The following CHD1L variants were observed in gnomAD, a reference collection of about 807,000 sequenced individuals.
The protein encoded by CHD1L is chromodomain helicase DNA binding protein 1 like.
A neutral mutation model predicts 115.9 loss-of-function variants in CHD1L; 118 were observed. That is an observed-to-expected ratio of 1.02 (90% confidence interval 0.88 to 1.19). The LOEUF (loss-of-function observed/expected upper bound fraction) is 1.19, where lower values mean the gene tolerates loss of function less well. Among genes scored for constraint, CHD1L ranks in the 50% most tolerant of loss-of-function variants. The pLI is 0.00. For missense variants in CHD1L, 1,179 were observed against 1,065.3 expected, an observed-to-expected ratio of 1.11 and a Z score of -1.49; for synonymous variants, 411 against 387.1, an observed-to-expected ratio of 1.06 and a Z score of -0.72.
chr1:147,262,207 A>AAG (rs1672208152), intron 6 of CHD1L, among the ~76,000 whole-genome samples: 1 of 151,706 alleles, frequency 6.6e-6, no homozygotes, highest in South Asian at 2.1e-4. Flanking sequence ...AAAAAAAAAA[A>AAG]AAAAATAGTT....
At position 147,265,953 on chromosome 1, in the gene CHD1L, T is replaced by C. The variant is rs587612852; in HGVS notation, c.761T>C (p.Leu254Ser). Residue 254 changes from leucine to serine, a missense_variant, in exon 8 of 23, where the codon TTG (leucine) becomes TCG (serine). Physicochemically the swap from Leu to Ser is moderately radical, Grantham distance 145 (BLOSUM62 -2). Coordinates refer to ENST00000369258, the MANE Select transcript of CHD1L (RefSeq NM_004284.6). ...GTAGCAAGTGAACTGCACAAACTCT[T>C]GCAGCCATTTCTGCTGAGGCGAGTG... is the stretch of plus-strand genomic sequence containing the variant. ...SESASELHKL[L>S]QPFLLRRVKA... 4 of 1,612,752 alleles carry C rather than the reference T, an allele frequency of 2.5e-6. No homozygotes were observed. The East Asian group carries it at 6.7e-5, about 27-fold the overall frequency.
chr1:147,178,053 G>A, the CHD1L span: 763 of 894,194 alleles, frequency 8.5e-4, 11 homozygotes, highest in South Asian at 0.012. Flanking sequence ...TCGCGCGCCC[G>A]ACCGCCGCAG....
chr1:147,288,393 A>G (rs587616558), intron 19 of CHD1L, among the ~76,000 whole-genome samples: 48 of 151,536 alleles, frequency 3.2e-4, no homozygotes, highest in African/African-American at 1.1e-3. Flanking sequence ...TGTCATGAAA[A>G]TATCAAAGAT....
At chr1:147,253,505 A>G (rs1553937830) in intron 2 of CHD1L, among the ~76,000 whole-genome samples, 1 of 152,146 alleles carries the variant, frequency 6.6e-6, no homozygotes, top group Non-Finnish European at 1.5e-5. Context: ...GTTTTGCATG[A>G]TTGAACTTTT....
At chr1:147,178,742 A>G in the CHD1L span, 1 of 1,591,584 alleles carries the variant, frequency 6.3e-7, no homozygotes, top group Non-Finnish European at 8.6e-7. Flanking sequence ...CGTCCTTCAC[A>G]TCTCACTAAC....
At chr1:147,266,612 A>G (rs1674028920) in intron 8 of CHD1L, among the ~76,000 whole-genome samples, 1 of 152,224 alleles carries the variant, frequency 6.6e-6, no homozygotes, top group African/African-American at 2.4e-5. Flanking sequence ...CTCTGTCATC[A>G]GTCCAATAGT....
chr1:147,223,388 C>T, the CHD1L span, among the ~76,000 whole-genome samples: 3 of 152,122 alleles, frequency 2.0e-5, no homozygotes, highest in Non-Finnish European at 4.4e-5. Context: ...GATTGTATTT[C>T]GGTTCAACTA....
chr1:147,249,656 G>A (rs928395663), intron 1 of CHD1L, among the ~76,000 whole-genome samples: 7 of 151,960 alleles, frequency 4.6e-5, no homozygotes, highest in African/African-American at 9.7e-5. Flanking sequence ...CGCCTGCCTC[G>A]GCCTCCCAAA....
chr1:147,242,968 T>C (rs1665239285), intron 1 of CHD1L, 138 bp downstream of exon 1: 1 of 1,080,706 alleles, frequency 9.3e-7, no homozygotes, highest in Non-Finnish European at 1.2e-6. Flanking sequence ...GCTCCTGCCG[T>C]GGGCGGAGAG....
At chr1:147,176,944 A>G in the CHD1L span, among the ~76,000 whole-genome samples, 1 of 152,080 alleles carries the variant, frequency 6.6e-6, no homozygotes, top group Admixed American at 6.6e-5. Context: ...GTAAATATAG[A>G]AATACTTAAA....
At chr1:147,207,748 G>C in the CHD1L span, among the ~76,000 whole-genome samples, 4 of 152,146 alleles carry the variant, frequency 2.6e-5, no homozygotes, top group Non-Finnish European at 5.9e-5. Flanking sequence ...GAGATTTCCA[G>C]TTAATCTGTT....
the CHD1L span, among the ~76,000 whole-genome samples, chr1:147,233,732 T>C: frequency 6.6e-6 from 1 of 152,046 alleles, no homozygotes; most frequent in African/African-American, 2.4e-5. Flanking sequence ...GGGAGACTTT[T>C]CATTTTGTTC....
chr1:147,293,402 C>G (rs150583438), intron 20 of CHD1L, among the ~76,000 whole-genome samples: 5 of 152,148 alleles, frequency 3.3e-5, no homozygotes, highest in African/African-American at 1.2e-4. Context: ...GAAGAAAACC[C>G]TGTATAAAGT....
rs1686519632 is a variant in CHD1L, at chr1:147,293,813, C to T, written c.2506+91C>T. 16 of 1,054,782 alleles carry T rather than the reference C, an allele frequency of 1.5e-5. No homozygotes were observed. The South Asian group carries it at 1.9e-4, about 13-fold the overall frequency. The allele number at this position is 1,054,782 out of a possible 1,614,324, so 65.3% of individuals were successfully genotyped here. On this transcript the variant is annotated intron_variant, in intron 21 of 22. Coordinates refer to ENST00000369258, the MANE Select transcript of CHD1L (RefSeq NM_004284.6). ...AAGGGAGGTAAGAAATGTCAAGATCCCACTTAATATGCACGGTAAAGGCAA... is the reference window on the plus strand; with the variant it reads ...AAGGGAGGTAAGAAATGTCAAGATCTCACTTAATATGCACGGTAAAGGCAA...
Position 147,268,893 on chromosome 1 carries a change from C to G in CHD1L, c.1085+15C>G. On this transcript the variant is annotated intron_variant, in intron 10 of 22. Transcript: ENST00000369258. ...CTGTATTCTGGGTAGGTGGTAGGTT[C>G]ACATTTGCTGCTCTGAGCTAATGAC... 1.9e-6 allele frequency: 3 copies of G among 1,593,700 alleles called. No individual in the cohort carries two copies. Among genetic ancestry groups the G allele is most frequent in the Non-Finnish European group, 2.6e-6 (3 of 1,162,484 alleles).
chr1:147,220,942 T>TC, the CHD1L span, among the ~76,000 whole-genome samples: 13 of 68,318 alleles, frequency 1.9e-4, no homozygotes, highest in African/African-American at 9.7e-4. Flanking sequence ...GTTTTAAGTT[T>TC]CCAAAAAAAA....
At chr1:147,250,745 T>C (rs1668148658) in intron 1 of CHD1L, among the ~76,000 whole-genome samples, 1 of 152,022 alleles carries the variant, frequency 6.6e-6, no homozygotes, top group Non-Finnish European at 1.5e-5. Context: ...AGAGCAGTTA[T>C]TATATAAAAG....
chr1:147,190,635 A>G, the CHD1L span, among the ~76,000 whole-genome samples: 1 of 152,164 alleles, frequency 6.6e-6, no homozygotes, highest in African/African-American at 2.4e-5. Flanking sequence ...ATTCTTGATA[A>G]CAAAGGGACC....
At chr1:147,236,766 G>C in the CHD1L span, among the ~76,000 whole-genome samples, 1 of 152,138 alleles carries the variant, frequency 6.6e-6, no homozygotes, top group Non-Finnish European at 1.5e-5. Context: ...TTATCCCACT[G>C]TCTCAAGTCT....
Sources: gnomAD v4.1 joint callset for allele counts (sites outside exome capture counted in the v4.1 genomes callset) on GRCh38, gnomAD v4.1.1 for gene constraint, MANE v1.5 for transcripts, NCBI Gene and HGNC (gene_info 2026-07-23, HGNC 2026-07-21) for gene names.